The following GLT8D2 variants were observed in gnomAD, a reference collection of about 807,000 sequenced individuals.
GLT8D2 encodes the protein glycosyltransferase 8 domain containing 2, also known as glycosyltransferase 8 domain-containing protein 2.
A neutral mutation model predicts 44.5 loss-of-function variants in GLT8D2; 45 were observed. The ratio of observed to expected loss-of-function variants is 1.01; its 90% confidence interval spans 0.80 to 1.30. The LOEUF (loss-of-function observed/expected upper bound fraction) is 1.30. Ranked by LOEUF, GLT8D2 falls within the 50% of genes most tolerant of loss-of-function variation. The pLI, the probability that GLT8D2 is intolerant of heterozygous loss-of-function variation, is 0.00. For missense variants in GLT8D2, 400 were observed against 430.4 expected (o/e 0.93, Z 0.62); for synonymous variants, 156 against 157.2 (o/e 0.99, Z 0.06).
chr12:104,037,990 A>G (rs1461726022), intron 1 of GLT8D2, among the ~76,000 whole-genome samples: 1 of 152,230 alleles, frequency 6.6e-6, no homozygotes, highest in East Asian at 1.9e-4. Flanking sequence ...CTGGTTCAAC[A>G]CATGCAAATC....
chr12:103,996,913 G>A, intron 7 of GLT8D2, 66 bp from the exon 8 acceptor site: 1 of 1,044,986 alleles, frequency 9.6e-7, no homozygotes, highest in South Asian at 1.5e-5. Context: ...TAGAGCCTTA[G>A]AGCTTAAACA....
At chr12:104,012,664 G>A (rs547022602) in intron 4 of GLT8D2, 12 of 554,836 alleles carry the variant, frequency 2.2e-5, no homozygotes, top group African/African-American at 2.1e-4. Flanking sequence ...AGTTTATTGA[G>A]GTGTAGATAC....
chr12:104,021,924 GAA>G (rs1566202335), intron 1 of GLT8D2, among the ~76,000 whole-genome samples: 1,737 of 27,282 alleles, frequency 0.064, 142 homozygotes, highest in East Asian at 0.15. Flanking sequence ...AGAAGAAGAA[GAA>G]GAAGAAGAAG....
chr12:104,047,905 A>G (rs1164385561), intron 1 of GLT8D2, among the ~76,000 whole-genome samples: 2 of 152,216 alleles, frequency 1.3e-5, no homozygotes, highest in East Asian at 3.8e-4. Context: ...ATCCTGCCTG[A>G]CACTAGTTTT....
chr12:104,052,525 A>G (rs1165795731), upstream of GLT8D2, among the ~76,000 whole-genome samples: 1 of 152,188 alleles, frequency 6.6e-6, no homozygotes, highest in Non-Finnish European at 1.5e-5. Flanking sequence ...GGCATATTTC[A>G]AATACTAGGA....
chr12:104,031,838 C>T (rs2136433523), intron 1 of GLT8D2, among the ~76,000 whole-genome samples: 1 of 116,146 alleles, frequency 8.6e-6, no homozygotes, highest in East Asian at 2.4e-4. Flanking sequence ...TTTGCGAGTG[C>T]TTTGTTTACT....
At chr12:103,992,995 T>C (rs1037307254) in intron 10 of GLT8D2, among the ~76,000 whole-genome samples, 2 of 152,160 alleles carry the variant, frequency 1.3e-5, no homozygotes, top group African/African-American at 2.4e-5. Flanking sequence ...TGGTGCTGTA[T>C]GTAGCACCCT....
chr12:103,989,317 A>C lies in GLT8D2; in HGVS notation c.*91T>G. The C allele has an allele frequency of 8.9e-7, 1 of 1,117,530 alleles. No individual in the cohort carries two copies. Among genetic ancestry groups the C allele is most frequent in the Non-Finnish European group, 1.3e-6 (1 of 791,134 alleles). 69.2% of individuals were successfully genotyped at this position (1,117,530 alleles called of 1,614,324 possible). On this transcript the variant is annotated 3_prime_UTR_variant, in exon 11 of 11. Coordinates refer to ENST00000360814, the MANE Select transcript of GLT8D2 (RefSeq NM_001384711.1). The stretch of plus-strand genomic sequence containing the variant: ...TTATATTGTGGATCATATGTATCAA[A>C]GGTAATATTCATAAAGAACAATGTT...
intron 1 of GLT8D2, among the ~76,000 whole-genome samples, chr12:104,058,222 G>T (rs1243594239): frequency 6.6e-6 from 1 of 152,192 alleles, no homozygotes; most frequent in East Asian, 1.9e-4. Flanking sequence ...GGAGAAGCTG[G>T]TTGTCTATGC....
At chr12:104,034,958 A>AGCAATATTTGCTGTTCT (rs1273784204) in intron 1 of GLT8D2, among the ~76,000 whole-genome samples, 12 of 152,236 alleles carry the variant, frequency 7.9e-5, no homozygotes, top group African/African-American at 2.9e-4. Context: ...AGGATCAGGC[A>AGCAATATTTGCTGTTCT]GCAATATTTG....
intron 10 of GLT8D2, 94 bp from the exon 11 acceptor site, chr12:103,989,671 A>G: frequency 1.8e-6 from 2 of 1,132,946 alleles, no homozygotes; most frequent in Non-Finnish European, 2.5e-6. Context: ...AAAAAAAGGT[A>G]AACAAATAAA....
At chr12:104,023,663 T>A (rs1878197292) in intron 1 of GLT8D2, among the ~76,000 whole-genome samples, 1 of 152,148 alleles carries the variant, frequency 6.6e-6, no homozygotes, top group Non-Finnish European at 1.5e-5. Flanking sequence ...CTCAAAGAAT[T>A]CCCTTGCACC....
At chr12:103,991,840 A>AC (rs970227178) in intron 10 of GLT8D2, among the ~76,000 whole-genome samples, 2 of 151,854 alleles carry the variant, frequency 1.3e-5, no homozygotes, top group Non-Finnish European at 2.9e-5. Context: ...AAAAAAAAAA[A>AC]AAAAAGATTA....
At chr12:104,046,760 C>T (rs1881189711) in intron 1 of GLT8D2, among the ~76,000 whole-genome samples, 1 of 152,126 alleles carries the variant, frequency 6.6e-6, no homozygotes. Flanking sequence ...ATATCTCTTG[C>T]CTTTTAACTT....
intron 1 of GLT8D2, among the ~76,000 whole-genome samples, chr12:104,057,379 G>A (rs1420375761): frequency 6.6e-6 from 1 of 152,094 alleles, no homozygotes; most frequent in African/African-American, 2.4e-5. Context: ...AAGTTAGCCA[G>A]GTGTGGTGTT....
intron 1 of GLT8D2, among the ~76,000 whole-genome samples, chr12:104,056,025 G>C (rs1293103447): frequency 1.3e-5 from 2 of 152,234 alleles, no homozygotes; most frequent in South Asian, 2.1e-4. Context: ...AATTGCTCCA[G>C]CACCTGAGTC....
chr12:104,018,048 T>A (rs2136362511), intron 3 of GLT8D2, among the ~76,000 whole-genome samples: 1 of 152,182 alleles, frequency 6.6e-6, no homozygotes, highest in Non-Finnish European at 1.5e-5. Context: ...CAGCTCACTG[T>A]AACCTCAACC....
intron 1 of GLT8D2, among the ~76,000 whole-genome samples, chr12:104,033,915 T>C (rs1879640743): frequency 6.6e-6 from 1 of 151,994 alleles, no homozygotes; most frequent in Non-Finnish European, 1.5e-5. Context: ...GCTCCTGGGT[T>C]CTATCAATCC....
rs756774403 is a variant in GLT8D2 at position 104,003,263 on chromosome 12, A to G, written c.156T>C (p.Pro52=). The change falls in exon 5 of 11, where the codon CCT becomes CCC. Residue 52 remains proline (P), a synonymous_variant. Coordinates refer to ENST00000360814, the MANE Select transcript of GLT8D2 (RefSeq NM_001384711.1). Reference sequence around the variant, plus strand: ...TCCCTGCTGCAGCACAAATCACCACAGGAATCTCTTCTTCCAGTTCTTCAG... The same window carrying G: ...TCCCTGCTGCAGCACAAATCACCACGGGAATCTCTTCTTCCAGTTCTTCAG... The part of the protein sequence containing the change: ...ETPEELEEEI[P]VVICAAAGRM... The G allele has an allele frequency of 6.2e-7, 1 of 1,614,152 alleles. No individual in the cohort carries two copies. Among genetic ancestry groups the G allele is most frequent in the South Asian group, 1.1e-5 (1 of 91,072 alleles).
Sources: gnomAD v4.1 joint callset for allele counts (sites outside exome capture counted in the v4.1 genomes callset) on GRCh38, gnomAD v4.1.1 for gene constraint, MANE v1.5 for transcripts, NCBI Gene and HGNC (gene_info 2026-07-23, HGNC 2026-07-21) for gene names.